TRIO: variants seen among roughly 807,000 people sequenced by gnomAD.
TRIO encodes triple functional domain protein.
TRIO carries 58 observed loss-of-function variants against 351.9 expected under a neutral mutation model. The observed-to-expected ratio is 0.16, with a 90% CI of 0.13 to 0.21. The LOEUF (loss-of-function observed/expected upper bound fraction) is 0.21, where lower values mean the gene tolerates loss of function less well. TRIO is among the 10% of genes least tolerant of loss of function. The probability of loss-of-function intolerance (pLI) is 1.00; values close to 1 mark genes in which losing one functional copy is unlikely to be tolerated. For missense variants in TRIO, 3,201 were observed against 4,027.8 expected (o/e 0.79, Z 5.56); for synonymous variants, 1,758 against 1,595.7 (o/e 1.10, Z -2.42).
At chr5:14,383,995 G>A (rs779335884) in intron 21 of TRIO, among the ~76,000 whole-genome samples, 13 of 152,130 alleles carry the variant, frequency 8.5e-5, no homozygotes, top group Non-Finnish European at 1.8e-4. Context: ...TCCCATCCCC[G>A]GCTCGCTGAG....
At chr5:14,411,991 C>CTT (rs112955087) in intron 33 of TRIO, among the ~76,000 whole-genome samples, 5 of 138,090 alleles carry the variant, frequency 3.6e-5, no homozygotes, top group African/African-American at 8.0e-5. Flanking sequence ...TTCTTTCTTT[C>CTT]TTTTTTTTTT....
intron 1 of TRIO, among the ~76,000 whole-genome samples, chr5:14,231,040 A>G (rs1793394090): frequency 6.6e-6 from 1 of 152,212 alleles, no homozygotes; most frequent in African/African-American, 2.4e-5. Flanking sequence ...AGTTCTTTAA[A>G]TGGTAGACAT....
intron 49 of TRIO, 112 bp downstream of exon 49, chr5:14,492,926 G>A: frequency 6.8e-7 from 1 of 1,480,948 alleles, no homozygotes; most frequent in Non-Finnish European, 9.0e-7. Context: ...GATCTGCGCT[G>A]GTATGTTAGA....
At chr5:14,302,532 A>G (rs1581571094) in intron 7 of TRIO, among the ~76,000 whole-genome samples, 1 of 152,252 alleles carries the variant, frequency 6.6e-6, no homozygotes, top group Non-Finnish European at 1.5e-5. Flanking sequence ...TTTATAGAAC[A>G]TGACACCCAA....
intron 28 of TRIO, 98 bp downstream of exon 28, chr5:14,394,228 C>T (rs1414351556): frequency 1.4e-6 from 1 of 722,820 alleles, no homozygotes; most frequent in Non-Finnish European, 2.2e-6. Flanking sequence ...TTTTTTGAAA[C>T]ACCTAGTCAA....
chr5:14,214,539 TA>T (rs1207589748), intron 1 of TRIO, among the ~76,000 whole-genome samples: 1 of 152,092 alleles, frequency 6.6e-6, no homozygotes, highest in Non-Finnish European at 1.5e-5. Flanking sequence ...TTGCAAAGGT[TA>T]GGGGAAAAAA....
intron 3 of TRIO, among the ~76,000 whole-genome samples, chr5:14,282,963 T>C (rs1379794757): frequency 3.3e-5 from 5 of 152,180 alleles, no homozygotes; most frequent in Non-Finnish European, 2.9e-5. Flanking sequence ...GTAGTCCAAA[T>C]TGAAAGAAGT....
rs879758100 is a variant in TRIO at position 14,173,182 on chromosome 5, G to T, written c.157+29300G>T. Reference sequence around the variant, plus strand: ...AACAGCCATCTCAGATGCTCACATTGTATGTTCCTTTTTTTTTTTTTTTTT... The same window carrying T: ...AACAGCCATCTCAGATGCTCACATTTTATGTTCCTTTTTTTTTTTTTTTTT... On this transcript the variant is annotated intron_variant, in intron 1 of 56. Transcript: ENST00000344204. 9.3e-4 allele frequency among the ~76,000 whole-genome samples: 120 copies of T among 128,490 alleles called. 1 individual carries two copies. The highest frequency in any genetic ancestry group is 1.3e-3 in the Non-Finnish European group (80 of 62,190). 84.3% of individuals were successfully genotyped at this position (128,490 alleles called of 152,430 possible). A position where few individuals can be genotyped will look rare whatever the true frequency, so the allele number is the denominator to read the frequency against.
At chr5:14,383,780 G>A (rs541597269) in intron 21 of TRIO, among the ~76,000 whole-genome samples, 1 of 152,256 alleles carries the variant, frequency 6.6e-6, no homozygotes, top group East Asian at 1.9e-4. Context: ...TTGGTGTTTG[G>A]AGATGTCCTT....
At chr5:14,196,568 C>T (rs1319749721) in intron 1 of TRIO, among the ~76,000 whole-genome samples, 2 of 152,114 alleles carry the variant, frequency 1.3e-5, no homozygotes, top group Non-Finnish European at 2.9e-5. Flanking sequence ...GGAGCACTGT[C>T]ACTAAATACT....
rs533367652 is a variant in TRIO, at chr5:14,481,427, C to T, written c.6388-114C>T. ...TCTCTCCAGTGCATCTCCATAAGCC[C>T]TGCACACTAGAGGGTGGGGAGGAAG... On this transcript the variant is annotated intron_variant, in intron 44 of 56. Transcript: ENST00000344204. 2.7e-6 allele frequency: 4 copies of T among 1,483,600 alleles called. No homozygotes were observed. The East Asian group carries it at 9.1e-5, about 34-fold the overall frequency. The allele number at this position is 1,483,600 out of a possible 1,614,324, so 91.9% of individuals were successfully genotyped here. A position where few individuals can be genotyped will look rare whatever the true frequency, so the allele number is the denominator to read the frequency against.
chr5:14,421,231 ATTTTAT>A (rs544196464), intron 34 of TRIO, among the ~76,000 whole-genome samples: 3,030 of 73,796 alleles, frequency 0.041, 39 homozygotes, highest in Middle Eastern at 0.13. Flanking sequence ...TTATTTATTT[ATTTTAT>A]TTTATTTTAT....
At chr5:14,376,219 G>A (rs1745545897) in intron 19 of TRIO, among the ~76,000 whole-genome samples, 1 of 152,134 alleles carries the variant, frequency 6.6e-6, no homozygotes, top group Non-Finnish European at 1.5e-5. Context: ...TATATTAATG[G>A]TTTTCCAGTG....
At chr5:14,484,978 A>G in intron 46 of TRIO, 91 bp from the exon 47 acceptor site, 1 of 1,347,800 alleles carries the variant, frequency 7.4e-7, no homozygotes, top group Non-Finnish European at 9.8e-7. Flanking sequence ...CATAGCCCAC[A>G]TTTTCTTTGT....
intron 1 of TRIO, among the ~76,000 whole-genome samples, chr5:14,224,215 A>C (rs929645738): frequency 2.0e-5 from 3 of 152,082 alleles, no homozygotes; most frequent in African/African-American, 7.2e-5. Context: ...AAGTATGTGA[A>C]GCGAGGACCC....
intron 49 of TRIO, among the ~76,000 whole-genome samples, chr5:14,495,140 C>A (rs989367301): frequency 1.3e-5 from 2 of 152,074 alleles, no homozygotes; most frequent in Admixed American, 6.5e-5. Context: ...TTTAAGACTT[C>A]AGTGAAGGAA....
intron 56 of TRIO, among the ~76,000 whole-genome samples, chr5:14,507,604 C>G (rs889147020): frequency 1.3e-5 from 2 of 152,046 alleles, no homozygotes; most frequent in African/African-American, 4.8e-5. Context: ...AAATGAACAC[C>G]CAGCTTCATA....
rs949048568 is a variant in TRIO, at chr5:14,240,521, A to G, written c.158-30304A>G. On this transcript the variant is annotated intron_variant, in intron 1 of 56. Transcript: ENST00000344204. ...TCTTTCCCTTGTGGTGAACAGTTGC[A>G]TTTAAGCATTATCAGCATTAAAAAC... is the stretch of plus-strand genomic sequence containing the variant. 3.3e-5 allele frequency among the ~76,000 whole-genome samples: 5 copies of G among 152,334 alleles called. No homozygotes were observed. In the South Asian group the frequency reaches 8.3e-4, roughly 25 times the overall value.
In TRIO at chr5:14,420,334, T is replaced by G. The variant is rs114639253; in HGVS notation, c.5203+313T>G. 0.012 allele frequency: 3,726 copies of G among 307,560 alleles called. 119 individuals carry two copies. The highest frequency in any genetic ancestry group is 0.076 in the African/African-American group (3,499 of 46,088). The allele number at this position is 307,560 out of a possible 1,614,324, so 19.1% of individuals were successfully genotyped here. On this transcript the variant is annotated intron_variant, in intron 34 of 56. Transcript: ENST00000344204. ...GCTTCCTTCCTTTATCATCTGTGCC[T>G]TCTTCTGTGTGTCATGATACCTCCT...
Sources: gnomAD v4.1 joint callset for allele counts (sites outside exome capture counted in the v4.1 genomes callset) on GRCh38, gnomAD v4.1.1 for gene constraint, MANE v1.5 for transcripts, NCBI Gene and HGNC (gene_info 2026-07-23, HGNC 2026-07-21) for gene names.